Variants in HMSD observed in about 807,000 individuals in gnomAD.
HMSD encodes histocompatibility minor serpin domain containing.
Under a neutral mutation model 10.0 loss-of-function variants are expected in HMSD, and 13 were observed. The observed-to-expected ratio is 1.31, with a 90% CI of 0.85 to 2.08. HMSD has a LOEUF of 2.08. HMSD is among the 30% of genes most tolerant of loss of function. The pLI, the probability that HMSD is intolerant of heterozygous loss-of-function variation, is 0.00. For missense variants in HMSD, 169 were observed against 166.3 expected (o/e 1.02, Z -0.09); for synonymous variants, 51 against 54.2 (o/e 0.94, Z 0.26).
In HMSD at chr18:63,960,155, T is replaced by A; in HGVS notation, c.223-3T>A. On this transcript the variant is annotated splice_polypyrimidine_tract_variant and splice_region_variant and intron_variant, in intron 3 of 3. Transcript: ENST00000408945. ...GTGAAATTATGTTTTTGGTTTTTCC[T>A]AGGGTTTTACAGATTCCTGTGGCAA... 6.2e-7 allele frequency: 1 copy of A among 1,610,298 alleles called. No individual in the cohort carries two copies. Among genetic ancestry groups the A allele is most frequent in the Non-Finnish European group, 8.5e-7 (1 of 1,179,062 alleles).
At chr18:63,957,232 T>G (rs2050363301) in intron 3 of HMSD, among the ~76,000 whole-genome samples, 1 of 152,090 alleles carries the variant, frequency 6.6e-6, no homozygotes, top group South Asian at 2.1e-4. Context: ...AAATAAAGTT[T>G]TTAAAAAAGA....
chr18:63,960,166 A>G lies in HMSD; in HGVS notation c.231A>G (p.Thr77=), dbSNP rs369452873. The G allele has an allele frequency of 6.0e-5, 96 of 1,611,410 alleles. No homozygotes were observed. The African/African-American group carries it at 1.2e-3, about 21-fold the overall frequency. ...EKSYDFLTGF[T]DSCGKFYQAT... ...TTTTTGGTTTTTCCTAGGGTTTTACAGATTCCTGTGGCAAATTCTACCAAG... is the reference window on the plus strand; with the variant it reads ...TTTTTGGTTTTTCCTAGGGTTTTACGGATTCCTGTGGCAAATTCTACCAAG... The change falls in exon 4 of 4, where the codon ACA becomes ACG. Residue 77 remains threonine, a synonymous_variant. Transcript: ENST00000408945.
At chr18:63,963,062 CT>C (rs56224149), downstream of HMSD, among the ~76,000 whole-genome samples, 27,542 of 120,672 alleles carry the variant, frequency 0.23, 4,014 homozygotes, top group African/African-American at 0.43. Flanking sequence ...TTCTTTCTTT[CT>C]TTTCTTTCTC....
At chr18:63,953,080 T>C (rs1158390473) in intron 1 of HMSD, among the ~76,000 whole-genome samples, 1 of 152,206 alleles carries the variant, frequency 6.6e-6, no homozygotes, top group Non-Finnish European at 1.5e-5. Flanking sequence ...ACTTTTCTGT[T>C]TGTAGTTGAG....
intron 3 of HMSD, among the ~76,000 whole-genome samples, chr18:63,959,167 T>C (rs1446468927): frequency 2.0e-5 from 3 of 152,040 alleles, no homozygotes; most frequent in Non-Finnish European, 2.9e-5. Context: ...AATATTTGTG[T>C]GCAGGTTTTA....
chr18:63,957,315 A>T (rs886240993), intron 3 of HMSD, among the ~76,000 whole-genome samples: 4 of 152,320 alleles, frequency 2.6e-5, no homozygotes, highest in Admixed American at 2.0e-4. Flanking sequence ...AACAAAAAAA[A>T]AAAATAAAAA....
chr18:63,950,576 A>T (rs2050325118), intron 1 of HMSD, among the ~76,000 whole-genome samples: 1 of 152,116 alleles, frequency 6.6e-6, no homozygotes, highest in African/African-American at 2.4e-5. Flanking sequence ...CAGTGGTTAC[A>T]AAAACCAACC....
At chr18:63,968,233 G>T (rs2144769685) in intron 3 of HMSD, 1 of 152,302 alleles carries the variant, frequency 6.6e-6, no homozygotes, top group South Asian at 2.1e-4. Context: ...GCAGGCAATG[G>T]TACCCTCCTA....
downstream of HMSD, among the ~76,000 whole-genome samples, chr18:63,964,727 C>A (rs2050403114): frequency 6.6e-6 from 1 of 152,120 alleles, no homozygotes; most frequent in African/African-American, 2.4e-5. Context: ...TTTATCTCTT[C>A]TTCTTTTAAT....
chr18:63,950,199 G>A (rs1490308934), intron 1 of HMSD, among the ~76,000 whole-genome samples: 1 of 151,930 alleles, frequency 6.6e-6, no homozygotes, highest in East Asian at 1.9e-4. Context: ...GGCGGATCAC[G>A]AGGTCAGGAG....
At chr18:63,963,951 G>A (rs1021331999), downstream of HMSD, among the ~76,000 whole-genome samples, 9 of 152,176 alleles carry the variant, frequency 5.9e-5, no homozygotes, top group African/African-American at 9.7e-5. Context: ...ACATTCTCAG[G>A]GAATGCTTTC....
downstream of HMSD, among the ~76,000 whole-genome samples, chr18:63,963,227 G>C (rs9960948): frequency 0.011 from 717 of 66,240 alleles, 19 homozygotes; most frequent in African/African-American, 0.075. Flanking sequence ...TTCCTTCCTT[G>C]CTTCCTTCCT....
chr18:63,966,698 T>C (rs796120437), downstream of HMSD: 16 of 152,366 alleles, frequency 1.1e-4, no homozygotes, highest in African/African-American at 3.8e-4. Flanking sequence ...CATCACTGAA[T>C]ATGTGAAACA....
intron 1 of HMSD, among the ~76,000 whole-genome samples, chr18:63,952,225 C>T (rs1173570354): frequency 6.6e-6 from 1 of 151,284 alleles, no homozygotes; most frequent in Non-Finnish European, 1.5e-5. Context: ...ACCAGCATGG[C>T]ACATGTATAC....
chr18:63,957,868 C>T (rs1182714787), intron 3 of HMSD, among the ~76,000 whole-genome samples: 2 of 152,048 alleles, frequency 1.3e-5, no homozygotes, highest in Middle Eastern at 3.2e-3. Context: ...TTCAAGAATC[C>T]CATACCAATA....
At chr18:63,958,815 T>C (rs1366979703) in intron 3 of HMSD, among the ~76,000 whole-genome samples, 1 of 152,092 alleles carries the variant, frequency 6.6e-6, no homozygotes, top group African/African-American at 2.4e-5. Flanking sequence ...AAAGTTCCGA[T>C]GGACACTGCT....
At chr18:63,953,688 G>T (rs1465653043) in intron 2 of HMSD, among the ~76,000 whole-genome samples, 161 bp downstream of exon 2, 2 of 152,198 alleles carry the variant, frequency 1.3e-5, no homozygotes, top group East Asian at 3.9e-4. Context: ...ATGTTTTCAA[G>T]GCCTGACCTT....
At chr18:63,962,048 G>A (rs1047715967), downstream of HMSD, among the ~76,000 whole-genome samples, 1 of 152,198 alleles carries the variant, frequency 6.6e-6, no homozygotes, top group African/African-American at 2.4e-5. Flanking sequence ...TATCCACAAA[G>A]TGAGTTCCAT....
chr18:63,955,113 A>G (rs2144758660), intron 3 of HMSD, among the ~76,000 whole-genome samples: 1 of 152,078 alleles, frequency 6.6e-6, no homozygotes, highest in South Asian at 2.1e-4. Context: ...TTATGCCACA[A>G]CTCCCCTTTT....
Sources: allele counts gnomAD v4.1 joint callset (sites outside exome capture counted in the v4.1 genomes callset), GRCh38; gene constraint gnomAD v4.1.1; transcripts MANE v1.5; gene names NCBI Gene and HGNC (gene_info 2026-07-23, HGNC 2026-07-21).